HIGD1C: variants seen among roughly 807,000 people sequenced by gnomAD.
HIGD1C encodes HIG1 domain family member 1C.
In HIGD1C, 11 loss-of-function variants were observed where a neutral mutation model predicts 13.1. The observed-to-expected ratio is 0.84, with a 90% CI of 0.53 to 1.39. The LOEUF is 1.39. Among genes scored for constraint, HIGD1C ranks in the 40% most tolerant of loss-of-function variants. The pLI is 0.00. For synonymous variants in HIGD1C, 36 were observed against 37.7 expected, an observed-to-expected ratio of 0.95 and a Z score of 0.17; for missense variants, 110 against 112.0, an observed-to-expected ratio of 0.98 and a Z score of 0.08.
the HIGD1C span, chr12:50,935,448 A>G: frequency 6.6e-6 from 1 of 152,196 alleles, no homozygotes; most frequent in Non-Finnish European, 1.5e-5. Context: ...ATGGTAACAT[A>G]TATGTGAACT....
chr12:50,953,897 C>CA (rs1335156990), upstream of HIGD1C: 14 of 650,306 alleles, frequency 2.2e-5, no homozygotes, highest in South Asian at 8.8e-5. Context: ...CAAATGAAAA[C>CA]AAAAAAACAC....
intron 2 of HIGD1C, among the ~76,000 whole-genome samples, chr12:50,964,850 A>C (rs1939481417): frequency 6.6e-6 from 1 of 152,224 alleles, no homozygotes; most frequent in Non-Finnish European, 1.5e-5. Flanking sequence ...CCAAATAGGC[A>C]AACTAAATGG....
At chr12:50,949,596 T>C (rs1187091747), upstream of HIGD1C, among the ~76,000 whole-genome samples, 1 of 135,598 alleles carries the variant, frequency 7.4e-6, no homozygotes, top group East Asian at 2.4e-4. Flanking sequence ...TGCAGTGGAG[T>C]GACCTCAGCT....
At chr12:50,939,843 A>G in the HIGD1C span, 1 of 152,032 alleles carries the variant, frequency 6.6e-6, no homozygotes, top group Non-Finnish European at 1.5e-5. Context: ...GAGGAACAGA[A>G]TGTTTATTTT....
At chr12:50,962,174 T>C (rs1939356748) in intron 2 of HIGD1C, among the ~76,000 whole-genome samples, 1 of 151,920 alleles carries the variant, frequency 6.6e-6, no homozygotes. Context: ...TCAACTGAGG[T>C]AAGGAGTTCG....
chr12:50,971,422 T>C (rs1939757881), downstream of HIGD1C, among the ~76,000 whole-genome samples: 1 of 152,248 alleles, frequency 6.6e-6, no homozygotes, highest in South Asian at 2.1e-4. Flanking sequence ...TATTCATTTT[T>C]AGACTTTAAA....
the HIGD1C span, among the ~76,000 whole-genome samples, chr12:50,936,798 C>A: frequency 1.3e-5 from 2 of 152,210 alleles, no homozygotes; most frequent in African/African-American, 4.8e-5. Flanking sequence ...TTTTGCCAAT[C>A]CTTTGATATT....
the HIGD1C span, among the ~76,000 whole-genome samples, chr12:50,938,854 C>T: frequency 6.6e-6 from 1 of 152,188 alleles, no homozygotes; most frequent in Admixed American, 6.5e-5. Flanking sequence ...AGGGAAGACA[C>T]TAAGTCTAGA....
the HIGD1C span, among the ~76,000 whole-genome samples, chr12:50,937,841 G>A: frequency 6.6e-6 from 1 of 152,178 alleles, no homozygotes; most frequent in African/African-American, 2.4e-5. Flanking sequence ...TTGTCTCATT[G>A]AGTGTGTGAG....
chr12:50,945,073 G>A, the HIGD1C span, among the ~76,000 whole-genome samples: 1 of 152,052 alleles, frequency 6.6e-6, no homozygotes, highest in Admixed American at 6.6e-5. Context: ...AGGTGTTGAT[G>A]GGACGTATCT....
chr12:50,942,233 G>A, the HIGD1C span, among the ~76,000 whole-genome samples: 1 of 152,220 alleles, frequency 6.6e-6, no homozygotes, highest in South Asian at 2.1e-4. Context: ...TGAGTGAGGG[G>A]GACCTTTTAC....
At chr12:50,940,697 T>C in the HIGD1C span, among the ~76,000 whole-genome samples, 1 of 143,698 alleles carries the variant, frequency 7.0e-6, no homozygotes, top group Admixed American at 7.2e-5. Flanking sequence ...CAATCCAGCC[T>C]GGGCGACAGA....
chr12:50,955,870 C>T (rs565982747), intron 1 of HIGD1C, among the ~76,000 whole-genome samples: 9 of 152,170 alleles, frequency 5.9e-5, no homozygotes, highest in Non-Finnish European at 1.0e-4. Flanking sequence ...CACCACTGTG[C>T]CTGTTGTATA....
At chr12:50,951,996 G>A (rs1400127407), upstream of HIGD1C, among the ~76,000 whole-genome samples, 2 of 148,600 alleles carry the variant, frequency 1.3e-5, no homozygotes, top group African/African-American at 4.9e-5. Flanking sequence ...TCAGACTAAA[G>A]GAGACTAAAG....
downstream of HIGD1C, among the ~76,000 whole-genome samples, chr12:50,971,984 A>G (rs1446489863): frequency 1.3e-5 from 2 of 152,352 alleles, no homozygotes; most frequent in East Asian, 3.9e-4. Flanking sequence ...AGTGCTACCA[A>G]CAAGTACATA....
chr12:50,963,369 CAAAAAAA>C (rs35764288), intron 2 of HIGD1C, among the ~76,000 whole-genome samples: 100 of 72,402 alleles, frequency 1.4e-3, no homozygotes, highest in Middle Eastern at 8.3e-3. Flanking sequence ...GACTCCATCT[CAAAAAAA>C]AAAAAAAAAA....
chr12:50,951,793 G>A (rs1021055899), upstream of HIGD1C, among the ~76,000 whole-genome samples: 7 of 151,774 alleles, frequency 4.6e-5, no homozygotes, highest in African/African-American at 9.7e-5. Flanking sequence ...GTGGTGTGGC[G>A]CTTCTATAGT....
At chr12:50,960,818 G>A in intron 1 of HIGD1C, 150 bp from the exon 4 acceptor site, 5 of 584,916 alleles carry the variant, frequency 8.5e-6, no homozygotes, top group Non-Finnish European at 1.4e-5. Context: ...GAGTAGCTGG[G>A]ACTACAGACG....
exon 1 of HIGD1C, chr12:50,954,054 T>C (rs1433414980): frequency 8.1e-6 from 13 of 1,613,392 alleles, no homozygotes; most frequent in Non-Finnish European, 1.1e-5. Context: ...TTATCCCGAC[T>C]AATCAGGAAA....
Sources: gnomAD v4.1 joint callset for allele counts (sites outside exome capture counted in the v4.1 genomes callset) on GRCh38, gnomAD v4.1.1 for gene constraint, MANE v1.5 for transcripts, NCBI Gene and HGNC (gene_info 2026-07-23, HGNC 2026-07-21) for gene names.